TRAPPC10: variants seen among roughly 807,000 people sequenced by gnomAD.
TRAPPC10 encodes the protein trafficking protein particle complex subunit 10.
Under a neutral mutation model 125.5 loss-of-function variants are expected in TRAPPC10, and 23 were observed. That is an observed-to-expected ratio of 0.18 (90% CI 0.13 to 0.26). The LOEUF is 0.26. Ranked by LOEUF, TRAPPC10 falls within the 10% of genes least tolerant of loss-of-function variation. The probability of loss-of-function intolerance (pLI) is 1.00; values close to 1 mark genes in which losing one functional copy is unlikely to be tolerated. For synonymous variants in TRAPPC10, 509 were observed against 518.0 expected (o/e 0.98, Z 0.24); for missense variants, 1,123 against 1,308.4 (o/e 0.86, Z 2.19).
rs1569129467 is a variant in TRAPPC10, at chr21:44,012,325, G to C, written c.-169G>C. The C allele has an allele frequency of 3.3e-5, 6 of 184,178 alleles. No homozygotes were observed. In the South Asian group the frequency reaches 1.1e-3, roughly 34 times the overall value. 11.4% of individuals were successfully genotyped at this position (184,178 alleles called of 1,614,324 possible). A position where few individuals can be genotyped will look rare whatever the true frequency, so the allele number is the denominator to read the frequency against. ...TCATGCGGCGGCGCCGAGGCCGGAA[G>C]TGGCTGAGGCCGGCAGCAGCGGGCG... is the stretch of plus-strand genomic sequence containing the variant. On this transcript the variant is annotated 5_prime_UTR_variant, in exon 1 of 23. Coordinates refer to ENST00000291574, the MANE Select transcript of TRAPPC10 (RefSeq NM_003274.5).
chr21:44,082,780 A>G lies in TRAPPC10; in HGVS notation c.1724-8A>G, dbSNP rs577888779. ...TGGGGAGTCACTTACGATAATGTCTATTTACAGGTCATAAGATAGTGCTAC... is the reference window on the plus strand; with the variant it reads ...TGGGGAGTCACTTACGATAATGTCTGTTTACAGGTCATAAGATAGTGCTAC... On this transcript the variant is annotated splice_polypyrimidine_tract_variant and splice_region_variant and intron_variant, in intron 13 of 22. Coordinates refer to ENST00000291574, the MANE Select transcript of TRAPPC10 (RefSeq NM_003274.5). The surrounding 1 kb of genome is among the most constrained non-coding windows in gnomAD (Gnocchi z 4.4). 2.5e-6 allele frequency: 4 copies of G among 1,612,744 alleles called. No homozygotes were observed. The highest frequency in any genetic ancestry group is 2.2e-5 in the East Asian group (1 of 44,840).
chr21:44,074,517 A>G (rs746864230), intron 8 of TRAPPC10, 47 bp downstream of exon 8: 28 of 1,610,750 alleles, frequency 1.7e-5, no homozygotes, highest in Non-Finnish European at 2.4e-5. Flanking sequence ...CTCTGCGGCC[A>G]TGCCTGGGTG....
chr21:44,027,636 G>A (rs966607903), intron 1 of TRAPPC10, among the ~76,000 whole-genome samples: 1 of 152,176 alleles, frequency 6.6e-6, no homozygotes, highest in Non-Finnish European at 1.5e-5. Context: ...CCATATGAGG[G>A]TTCAGGGTGA....
Position 44,055,768 on chromosome 21 carries a change from A to G in TRAPPC10, c.553A>G (p.Lys185Glu), listed in dbSNP as rs747417004. 2.5e-6 allele frequency: 4 copies of G among 1,613,842 alleles called. No homozygotes were observed. The highest frequency in any genetic ancestry group is 3.4e-6 in the Non-Finnish European group (4 of 1,179,778). Residue 185 changes from lysine (K) to glutamate (E), a missense_variant, in exon 5 of 23, where the codon AAA (lysine) becomes GAA (glutamate). By Grantham distance (56) the Lys-to-Glu change is moderately conservative. This residue lies in a region of TRAPPC10 where 177 missense variants were observed against 228.9 expected (regional missense o/e 0.77). Transcript: ENST00000291574. Reference sequence around the variant, plus strand: ...GGAATCCTGGAATGCCTTCCTGACCAAACTCAGGACATTGCTTCTTATGTC... The same window carrying G: ...GGAATCCTGGAATGCCTTCCTGACCGAACTCAGGACATTGCTTCTTATGTC... ...TQESWNAFLT[K>E]LRTLLLMSFT... is the part of the protein sequence containing the mutation.
At position 44,040,269 on chromosome 21, in the gene TRAPPC10, G is replaced by C. The variant is rs145511217; in HGVS notation, c.285+2342G>C. 3.5e-4 allele frequency among the ~76,000 whole-genome samples: 53 copies of C among 152,170 alleles called. No homozygotes were observed. The East Asian group carries it at 0.01, about 29-fold the overall frequency. On this transcript the variant is annotated intron_variant, in intron 3 of 22. Transcript: ENST00000291574. ...ACGTTGAGACATACTCAAGAGCAAG[G>C]GCTGCCTTTCCTTTTGTGCAAGTCT...
chr21:44,089,812 G>A (rs752935636), intron 17 of TRAPPC10, 21 bp from the exon 18 acceptor site: 3 of 1,603,582 alleles, frequency 1.9e-6, no homozygotes, highest in South Asian at 2.2e-5. Flanking sequence ...GTCTGAGAGT[G>A]TCTTTGTGCT....
intron 14 of TRAPPC10, 64 bp from the exon 15 acceptor site, chr21:44,084,058 A>G (rs1601800551): frequency 1.3e-6 from 2 of 1,598,170 alleles, no homozygotes; most frequent in Non-Finnish European, 1.7e-6. Flanking sequence ...GCACCGCGCT[A>G]CCGCAGGAAG....
intron 13 of TRAPPC10, 81 bp downstream of exon 13, chr21:44,080,208 CT>C: frequency 8.3e-7 from 1 of 1,204,542 alleles, no homozygotes; most frequent in Non-Finnish European, 1.2e-6. Flanking sequence ...ATACCAACCA[CT>C]TACAGTAAAC....
At chr21:44,060,911 TACATAC>T (rs2035992074) in intron 6 of TRAPPC10, among the ~76,000 whole-genome samples, 2 of 106,460 alleles carry the variant, frequency 1.9e-5, no homozygotes, top group African/African-American at 1.1e-4. Flanking sequence ...TATACATACA[TACATAC>T]ACACACACAC....
At chr21:44,076,516 A>C (rs190096661) in intron 9 of TRAPPC10, 36 bp from the exon 10 acceptor site, 2 of 1,530,732 alleles carry the variant, frequency 1.3e-6, no homozygotes, top group Admixed American at 3.3e-5. Context: ...GGACATGATG[A>C]AGATGAAGAG....
In TRAPPC10 at chr21:44,081,030, T is replaced by C. The variant is rs528891692; in HGVS notation, c.1723+903T>C. ...CTTTTTTTTTTTCTTTTTTTTTTTTTTTTTTTTGACTATCTTGCTCTCTTG... is the reference window on the plus strand; with the variant it reads ...CTTTTTTTTTTTCTTTTTTTTTTTTCTTTTTTTGACTATCTTGCTCTCTTG... On this transcript the variant is annotated intron_variant, in intron 13 of 22. Coordinates refer to ENST00000291574, the MANE Select transcript of TRAPPC10 (RefSeq NM_003274.5). 9.7e-4 allele frequency among the ~76,000 whole-genome samples: 135 copies of C among 139,676 alleles called. 1 individual carries two copies. The highest frequency in any genetic ancestry group is 3.5e-3 in the Middle Eastern group (1 of 284). 91.6% of individuals were successfully genotyped at this position (139,676 alleles called of 152,430 possible). A position where few individuals can be genotyped will look rare whatever the true frequency, so the allele number is the denominator to read the frequency against.
rs1390731225 is a variant in TRAPPC10 at position 44,080,051 on chromosome 21, C to G, written c.1647C>G (p.His549Gln). Residue 549 changes from histidine to glutamine, a missense_variant, in exon 13 of 23, where the codon CAC becomes CAG. Physicochemically the swap from His to Gln is conservative, Grantham distance 24. Transcript: ENST00000291574. Reference protein sequence around the residue: ...LQTSSLLASDHHLTEEERKHF... With the variant: ...LQTSSLLASDQHLTEEERKHF... ...CCAGCAGCCTCTTAGCCAGTGACCA[C>G]CACCTCACTGAAGAGGAGCGCAAGC... 6.2e-7 allele frequency: 1 copy of G among 1,614,066 alleles called. No individual in the cohort carries two copies. Among genetic ancestry groups the G allele is most frequent in the East Asian group, 2.2e-5 (1 of 44,900 alleles).
chr21:44,075,691 G>C (rs1342546517), intron 9 of TRAPPC10, among the ~76,000 whole-genome samples: 1 of 152,042 alleles, frequency 6.6e-6, no homozygotes, highest in African/African-American at 2.4e-5. Context: ...TCGCTGTATT[G>C]CCCAGGCTGG....
At chr21:44,055,246 C>T (rs944677671) in intron 4 of TRAPPC10, among the ~76,000 whole-genome samples, 10 of 152,052 alleles carry the variant, frequency 6.6e-5, no homozygotes, top group African/African-American at 2.2e-4. Flanking sequence ...CATGATGAAG[C>T]CTTTTCCTAA....
At chr21:44,076,727 G>T (rs144833888) in intron 10 of TRAPPC10, 99 bp downstream of exon 10, 11,787 of 1,034,540 alleles carry the variant, frequency 0.011, 109 homozygotes, top group Non-Finnish European at 0.014. Context: ...TGGTGTGGGG[G>T]GCCCCTTCTT....
chr21:44,088,796 C>A, intron 17 of TRAPPC10: 1 of 148,836 alleles, frequency 6.7e-6, no homozygotes. Flanking sequence ...CCACTCTTCC[C>A]TGGCGCTGGC....
intron 1 of TRAPPC10, among the ~76,000 whole-genome samples, chr21:44,024,648 A>G: frequency 6.6e-6 from 1 of 152,220 alleles, no homozygotes; most frequent in Admixed American, 6.5e-5. Flanking sequence ...CTCTGAGATT[A>G]TACCACTAAA....
chr21:44,070,268 A>G lies in TRAPPC10; in HGVS notation c.1039-4056A>G, dbSNP rs114854171. On this transcript the variant is annotated intron_variant, in intron 7 of 22. Coordinates refer to ENST00000291574, the MANE Select transcript of TRAPPC10 (RefSeq NM_003274.5). ...TGGAAGTGGCAAGATGGCACTTGCCATTGCTAATACAGCAATCAGGAGAGG... is the reference window on the plus strand; with the variant it reads ...TGGAAGTGGCAAGATGGCACTTGCCGTTGCTAATACAGCAATCAGGAGAGG... Among the ~76,000 whole-genome samples the G allele has an allele frequency of 5.6e-3, 851 of 152,364 alleles. 11 individuals are homozygous for G. The highest frequency in any genetic ancestry group is 0.02 in the African/African-American group (825 of 41,590).
rs2037174583 is a variant in TRAPPC10 at position 44,075,041 on chromosome 21, A to G, written c.1188A>G (p.Leu396=). The G allele has an allele frequency of 1.9e-6, 3 of 1,605,084 alleles. No individual in the cohort carries two copies. The highest frequency in any genetic ancestry group is 1.1e-5 in the South Asian group (1 of 90,798). Residue 396 remains leucine, a splice_region_variant and synonymous_variant, in exon 9 of 23, where the codon TTA becomes TTG. Coordinates refer to ENST00000291574, the MANE Select transcript of TRAPPC10 (RefSeq NM_003274.5). ...VGLWSYATEK[L]KSLGYLCGLV... The stretch of plus-strand genomic sequence containing the variant: ...AAATTGTGGATTTATCTTAACAGTT[A>G]AAGTCCTTGGGCTATCTATGTGGAC...
Sources: gnomAD v4.1 joint callset for allele counts (sites outside exome capture counted in the v4.1 genomes callset) on GRCh38, gnomAD v4.1.1 for gene constraint, gnomAD v4.1.1 regional missense constraint, Gnocchi (gnomAD v3.1) non-coding constraint, MANE v1.5 for transcripts, NCBI Gene and HGNC (gene_info 2026-07-23, HGNC 2026-07-21) for gene names.